The following FAM228B variants were observed in gnomAD, a reference collection of about 807,000 sequenced individuals.
FAM228B encodes protein FAM228B.
In FAM228B, 38 loss-of-function variants were observed where a neutral mutation model predicts 42.6. The observed-to-expected ratio is 0.89, with a 90% CI of 0.69 to 1.17. The LOEUF (loss-of-function observed/expected upper bound fraction) is 1.17. FAM228B is among the 50% of genes most tolerant of loss of function. FAM228B has a pLI of 0.00. For missense variants in FAM228B, 344 were observed against 367.3 expected, an observed-to-expected ratio of 0.94 and a Z score of 0.52; for synonymous variants, 109 against 122.3, an observed-to-expected ratio of 0.89 and a Z score of 0.72.
chr2:24,120,023 C>T (rs1422110221), upstream of FAM228B, among the ~76,000 whole-genome samples: 2 of 152,178 alleles, frequency 1.3e-5, no homozygotes, highest in Non-Finnish European at 2.9e-5. Context: ...AATCCCAGCA[C>T]TTTGGGAGGC....
chr2:24,090,404 T>G (rs1388550579), intron 2 of FAM228B, among the ~76,000 whole-genome samples: 1 of 151,464 alleles, frequency 6.6e-6, no homozygotes, highest in African/African-American at 2.4e-5. Flanking sequence ...GCCAACATGG[T>G]GAAACCCCAA....
At chr2:24,164,062 A>AG (rs398104109) in intron 8 of FAM228B, 136 bp from the exon 9 acceptor site, 1 of 824,258 alleles carries the variant, frequency 1.2e-6, no homozygotes, top group Middle Eastern at 3.2e-4. Flanking sequence ...ACACAAAAAA[A>AG]GTAAATACGT....
chr2:24,091,349 C>T (rs1001928990), intron 2 of FAM228B, among the ~76,000 whole-genome samples: 1 of 152,180 alleles, frequency 6.6e-6, no homozygotes, highest in African/African-American at 2.4e-5. Flanking sequence ...AGGAGAATGG[C>T]GTGAACCCGG....
intron 7 of FAM228B, among the ~76,000 whole-genome samples, chr2:24,156,166 C>G (rs1461300569): frequency 6.6e-6 from 1 of 152,224 alleles, no homozygotes; most frequent in Non-Finnish European, 1.5e-5. Context: ...ACACATAAGT[C>G]AAATTCAACC....
At chr2:24,134,844 G>T (rs912613850) in intron 2 of FAM228B, among the ~76,000 whole-genome samples, 1 of 152,190 alleles carries the variant, frequency 6.6e-6, no homozygotes, top group African/African-American at 2.4e-5. Flanking sequence ...CAGCTACTTG[G>T]GAGGCTGAGG....
chr2:24,158,792 C>T (rs746635407), intron 7 of FAM228B, among the ~76,000 whole-genome samples: 1 of 152,130 alleles, frequency 6.6e-6, no homozygotes, highest in Non-Finnish European at 1.5e-5. Context: ...CAGAGAGGAG[C>T]TCGAAGTTTT....
chr2:24,083,765 G>T (rs1239533835), intron 2 of FAM228B, among the ~76,000 whole-genome samples: 1 of 152,168 alleles, frequency 6.6e-6, no homozygotes, highest in Non-Finnish European at 1.5e-5. Context: ...AAAGAGTTAA[G>T]AGGTCTTTGG....
At chr2:24,126,612 C>CT (rs36032006) in intron 2 of FAM228B, among the ~76,000 whole-genome samples, 4,201 of 141,188 alleles carry the variant, frequency 0.03, 121 homozygotes, top group African/African-American at 0.076. Context: ...AGATTCACTA[C>CT]TTTTTTTTTT....
At chr2:24,104,525 A>C (rs1231798075) in intron 3 of FAM228B, among the ~76,000 whole-genome samples, 1 of 151,380 alleles carries the variant, frequency 6.6e-6, no homozygotes, top group Admixed American at 6.6e-5. Context: ...CACTCCACCC[A>C]CCCCCACCAC....
At chr2:24,151,883 T>C (rs1419344249) in intron 7 of FAM228B, among the ~76,000 whole-genome samples, 1 of 152,042 alleles carries the variant, frequency 6.6e-6, no homozygotes, top group Non-Finnish European at 1.5e-5. Flanking sequence ...TATTTATTTA[T>C]TTTGAGACAG....
At chr2:24,167,790 G>A in intron 10 of FAM228B, 107 bp downstream of exon 10, 1 of 1,296,578 alleles carries the variant, frequency 7.7e-7, no homozygotes, top group Non-Finnish European at 1.1e-6. Flanking sequence ...GGAGGAAAGA[G>A]AAATAATGGG....
chr2:24,113,386 A>G (rs1665830904), intron 3 of FAM228B, among the ~76,000 whole-genome samples: 1 of 152,184 alleles, frequency 6.6e-6, no homozygotes. Context: ...CAGCCTGTGC[A>G]ACATGGTGAG....
chr2:24,099,434 C>A (rs1224428240), intron 3 of FAM228B, among the ~76,000 whole-genome samples: 1 of 152,146 alleles, frequency 6.6e-6, no homozygotes, highest in African/African-American at 2.4e-5. Context: ...TCTCAGGATA[C>A]AAAATCAGTG....
chr2:24,107,501 T>C (rs1665720999), intron 3 of FAM228B, among the ~76,000 whole-genome samples: 1 of 152,042 alleles, frequency 6.6e-6, no homozygotes, highest in African/African-American at 2.4e-5. Context: ...AAATGGCACA[T>C]ACTCCAAAAT....
At chr2:24,081,071 G>C (rs2150984585) in intron 2 of FAM228B, 1 of 1,569,390 alleles carries the variant, frequency 6.4e-7, no homozygotes, top group South Asian at 1.1e-5. Flanking sequence ...CTTTGCAACT[G>C]CTACACATTC....
In FAM228B at chr2:24,133,979, A is replaced by T. The variant is rs534726193; in HGVS notation, c.100-1140A>T. Among the ~76,000 whole-genome samples the T allele has an allele frequency of 6.6e-5, 10 of 151,820 alleles. No homozygotes were observed. The South Asian group carries it at 1.9e-3, about 28-fold the overall frequency. On this transcript the variant is annotated intron_variant, in intron 2 of 10. Transcript: ENST00000615575. The stretch of plus-strand genomic sequence containing the variant: ...TAGCCATATTCACTAATGATAAATA[A>T]ATTTGTTCCAATTATATTTATGTCA...
upstream of FAM228B, chr2:24,122,368 A>C (rs529152056): frequency 7.5e-7 from 1 of 1,325,050 alleles, no homozygotes; most frequent in Admixed American, 2.0e-5. Flanking sequence ...TTTTGGAAGA[A>C]TAGAAATAAT....
intron 2 of FAM228B, among the ~76,000 whole-genome samples, chr2:24,091,523 T>G (rs945348082): frequency 6.6e-6 from 1 of 152,162 alleles, no homozygotes; most frequent in Non-Finnish European, 1.5e-5. Context: ...TTTGAGATAA[T>G]GAGATAATTT....
intron 2 of FAM228B, chr2:24,082,982 T>C (rs768752868): frequency 6.2e-7 from 1 of 1,614,182 alleles, no homozygotes; most frequent in Non-Finnish European, 8.5e-7. Context: ...TGAGGAGCCC[T>C]TCGGGGACAG....
Sources: gnomAD v4.1 joint callset for allele counts (sites outside exome capture counted in the v4.1 genomes callset) on GRCh38, gnomAD v4.1.1 for gene constraint, MANE v1.5 for transcripts, NCBI Gene and HGNC (gene_info 2026-07-23, HGNC 2026-07-21) for gene names.